The following VTA1 variants were observed in gnomAD, a reference collection of about 807,000 sequenced individuals.
VTA1 encodes vesicle trafficking 1.
Under a neutral mutation model 36.9 loss-of-function variants are expected in VTA1, and 24 were observed. The ratio of observed to expected loss-of-function variants is 0.65; its 90% CI spans 0.47 to 0.91. VTA1 has a LOEUF of 0.91. VTA1 is among the 40% of genes least tolerant of loss of function. VTA1 has a pLI of 0.00. For synonymous variants in VTA1, 142 were observed against 130.2 expected, an observed-to-expected ratio of 1.09 and a Z score of -0.62; for missense variants, 393 against 377.2, an observed-to-expected ratio of 1.04 and a Z score of -0.35.
At chr6:142,212,325 T>G (rs550120907) in intron 7 of VTA1, among the ~76,000 whole-genome samples, 2 of 152,220 alleles carry the variant, frequency 1.3e-5, no homozygotes, top group Non-Finnish European at 2.9e-5. Flanking sequence ...AATGGGATAT[T>G]ATTCAGTGCT....
chr6:142,207,619 A>C (rs1775818607), intron 7 of VTA1, among the ~76,000 whole-genome samples: 1 of 152,128 alleles, frequency 6.6e-6, no homozygotes, highest in African/African-American at 2.4e-5. Flanking sequence ...GCTGAAAAGG[A>C]GGTAGCGACC....
chr6:142,209,793 A>G (rs1562270593), intron 7 of VTA1, among the ~76,000 whole-genome samples: 1 of 152,066 alleles, frequency 6.6e-6, no homozygotes. Context: ...ATGCTTATGG[A>G]TTGGAAGAAT....
At chr6:142,170,743 C>T (rs1023140762) in intron 4 of VTA1, among the ~76,000 whole-genome samples, 2 of 152,022 alleles carry the variant, frequency 1.3e-5, no homozygotes, top group Non-Finnish European at 2.9e-5. Context: ...AAGCAATTCT[C>T]CTGCCTCAGC....
chr6:142,214,853 TAA>T (rs535553573), intron 7 of VTA1, among the ~76,000 whole-genome samples: 75 of 152,302 alleles, frequency 4.9e-4, no homozygotes, highest in African/African-American at 1.8e-3. Flanking sequence ...CTCTAAAATA[TAA>T]AGTCTTTTTT....
intron 2 of VTA1, among the ~76,000 whole-genome samples, chr6:142,169,251 T>C (rs1435769189): frequency 6.6e-6 from 1 of 152,212 alleles, no homozygotes; most frequent in Non-Finnish European, 1.5e-5. Flanking sequence ...ATTTGATGCT[T>C]CCTTCACATG....
intron 4 of VTA1, among the ~76,000 whole-genome samples, chr6:142,188,157 C>T (rs1181662915): frequency 6.6e-6 from 1 of 151,036 alleles, no homozygotes; most frequent in Non-Finnish European, 1.5e-5. Flanking sequence ...AATCCACCCT[C>T]CTTGGCCTCC....
At chr6:142,188,123 G>A (rs1452625524) in intron 4 of VTA1, among the ~76,000 whole-genome samples, 1 of 150,840 alleles carries the variant, frequency 6.6e-6, no homozygotes, top group East Asian at 2.0e-4. Flanking sequence ...TGGCCAGGCT[G>A]GTCTCCAACT....
chr6:142,191,897 T>C (rs1775462754), intron 5 of VTA1, among the ~76,000 whole-genome samples: 1 of 152,114 alleles, frequency 6.6e-6, no homozygotes, highest in Non-Finnish European at 1.5e-5. Context: ...TAGGATTAAC[T>C]CTTGGAACAT....
chr6:142,213,999 GTT>G (rs375884348), intron 7 of VTA1, among the ~76,000 whole-genome samples: 33 of 150,740 alleles, frequency 2.2e-4, no homozygotes, highest in Admixed American at 1.2e-3. Context: ...AGAAAACAGG[GTT>G]TTTTTTTTGT....
At position 142,166,311 on chromosome 6, in the gene VTA1, C is replaced by T; in HGVS notation, c.196C>T (p.Gln66Ter). The T allele has an allele frequency of 1.2e-6, 2 of 1,604,744 alleles. No homozygotes were observed. Among genetic ancestry groups the T allele is most frequent in the Non-Finnish European group, 1.7e-6 (2 of 1,173,522 alleles). The change falls in exon 2 of 8, where the codon CAG (glutamine) becomes TAG (stop). Residue 66 changes from glutamine to a stop codon, truncating the protein, a stop_gained. Transcript: ENST00000367630. LOFTEE classifies it high-confidence loss of function. ...CRKFLSKLMDQLEALKKQLGD... is the reference protein window; with the variant it reads ...CRKFLSKLMD ...CAAATTTTTATCAAAGTTAATGGAT[C>T]AGTTAGAAGCTGTAAGTTAACCACT...
Position 142,222,748 on chromosome 6 carries a change from TAC to T in VTA1, c.*4108_*4109del, listed in dbSNP as rs1441115661. 1 of 87,462 alleles carries T rather than the reference TAC, an allele frequency of 1.1e-5. No homozygotes were observed. Among genetic ancestry groups the T allele is most frequent in the Non-Finnish European group, 2.9e-5 (1 of 34,310 alleles). 5.4% of individuals were successfully genotyped at this position (87,462 alleles called of 1,614,324 possible). A position where few individuals can be genotyped will look rare whatever the true frequency, so the allele number is the denominator to read the frequency against. On this transcript the variant is annotated 3_prime_UTR_variant, in exon 8 of 8. Transcript: ENST00000367630. ...AAGACTGCAGGCTTGTTCATTGGAG[TAC>T]ACTTAAGTAGGACAAATTCTAAGTA... is the stretch of plus-strand genomic sequence containing the variant.
At chr6:142,149,720 T>G (rs1778530504) in intron 1 of VTA1, among the ~76,000 whole-genome samples, 1 of 152,224 alleles carries the variant, frequency 6.6e-6, no homozygotes, top group African/African-American at 2.4e-5. Context: ...TCAATCATTG[T>G]ATGAATCTCT....
At chr6:142,189,357 T>C (rs1252658193) in intron 4 of VTA1, 69 bp from the exon 5 acceptor site, 2 of 1,249,606 alleles carry the variant, frequency 1.6e-6, no homozygotes, top group African/African-American at 1.5e-5. Context: ...ATGATATAGG[T>C]CATCATAAAT....
At chr6:142,203,909 A>G (rs778934245) in intron 6 of VTA1, 76 bp from the exon 7 acceptor site, 133 of 1,220,520 alleles carry the variant, frequency 1.1e-4, no homozygotes, top group Non-Finnish European at 1.5e-4. Flanking sequence ...TTGCCTCATG[A>G]TTTTTAAGTG....
At chr6:142,211,539 A>G (rs777521124) in intron 7 of VTA1, among the ~76,000 whole-genome samples, 12 of 152,084 alleles carry the variant, frequency 7.9e-5, no homozygotes, top group Non-Finnish European at 1.2e-4. Context: ...GTGAAACCCT[A>G]TCTCTACTAA....
intron 5 of VTA1, among the ~76,000 whole-genome samples, chr6:142,196,340 A>C (rs984068324): frequency 3.9e-5 from 6 of 152,182 alleles, no homozygotes; most frequent in East Asian, 3.8e-4. Context: ...ATTAGTCACC[A>C]GCTTTTGTCT....
At chr6:142,165,537 C>T (rs1037375111) in intron 1 of VTA1, among the ~76,000 whole-genome samples, 1 of 152,160 alleles carries the variant, frequency 6.6e-6, no homozygotes, top group Admixed American at 6.5e-5. Context: ...ATGATGCATT[C>T]ATGCTGTAGA....
chr6:142,219,584 C>T lies in VTA1; in HGVS notation c.*941C>T, dbSNP rs1369045397. 1.3e-5 allele frequency: 2 copies of T among 152,120 alleles called. No individual in the cohort carries two copies. Among genetic ancestry groups the T allele is most frequent in the Non-Finnish European group, 2.9e-5 (2 of 68,004 alleles). 9.4% of individuals were successfully genotyped at this position (152,120 alleles called of 1,614,324 possible). On this transcript the variant is annotated 3_prime_UTR_variant, in exon 8 of 8. Transcript: ENST00000367630. ...TGTGTGAAAAATAAATACAAGGATT[C>T]GTTTAGCTAATTCAACTTACTACAA... is the stretch of plus-strand genomic sequence containing the variant.
chr6:142,159,932 A>G (rs1160749031), intron 1 of VTA1, among the ~76,000 whole-genome samples: 4 of 151,912 alleles, frequency 2.6e-5, no homozygotes, highest in South Asian at 2.1e-4. Context: ...TAATGTCACT[A>G]TCTTCTGTTT....
Sources: allele counts gnomAD v4.1 joint callset (sites outside exome capture counted in the v4.1 genomes callset), GRCh38; gene constraint gnomAD v4.1.1; transcripts MANE v1.5; gene names NCBI Gene and HGNC (gene_info 2026-07-23, HGNC 2026-07-21).